The following OTOG variants were observed in gnomAD, a reference collection of about 807,000 sequenced individuals.
The protein encoded by OTOG is otogelin.
In OTOG, 296 loss-of-function variants were observed where a neutral mutation model predicts 313.8. The ratio of observed to expected loss-of-function variants is 0.94; its 90% CI spans 0.86 to 1.04. The LOEUF (loss-of-function observed/expected upper bound fraction) is 1.04, where lower values mean the gene tolerates loss of function less well. OTOG is among the 50% of genes least tolerant of loss of function. The pLI is 0.00. For missense variants in OTOG, 3,948 were observed against 3,840.1 expected, an observed-to-expected ratio of 1.03 and a Z score of -0.74; for synonymous variants, 1,533 against 1,554.9, an observed-to-expected ratio of 0.99 and a Z score of 0.33.
intron 18 of OTOG, 128 bp downstream of exon 18, chr11:17,572,332 G>C (rs1852423266): frequency 4.6e-6 from 6 of 1,303,540 alleles, no homozygotes; most frequent in Non-Finnish European, 6.2e-6. Context: ...AGAGAAGGAG[G>C]AGCAGCAGGG....
chr11:17,599,831 A>G lies in OTOG; in HGVS notation c.3709+134A>G, dbSNP rs866850322. On this transcript the variant is annotated intron_variant, in intron 31 of 55. Transcript: ENST00000399397. ...CGTGACCCGGAATGGGAGGGCCCCC[A>G]TCATGCAGAGAGAGCCCTGACAGTG... The G allele has an allele frequency of 5.1e-5, 54 of 1,057,508 alleles. No homozygotes were observed. In the Middle Eastern group the frequency reaches 5.1e-3, roughly 100 times the overall value. The allele number at this position is 1,057,508 out of a possible 1,614,324, so 65.5% of individuals were successfully genotyped here.
intron 24 of OTOG, among the ~76,000 whole-genome samples, chr11:17,588,301 C>T (rs1852852201): frequency 6.6e-6 from 1 of 152,278 alleles, no homozygotes; most frequent in Non-Finnish European, 1.5e-5. Context: ...GCTGCTCTCC[C>T]GTGGGGAGGC....
chr11:17,609,593 C>T (rs1853472946), intron 35 of OTOG, 62 bp from the exon 36 acceptor site: 4 of 1,387,516 alleles, frequency 2.9e-6, no homozygotes, highest in Non-Finnish European at 3.9e-6. Flanking sequence ...CAGCCCTGCC[C>T]AGCAATGACC....
chr11:17,570,185 ACT>A (rs1392645029), intron 16 of OTOG, 26 bp from the exon 17 acceptor site: 8 of 1,543,678 alleles, frequency 5.2e-6, no homozygotes, highest in Non-Finnish European at 6.1e-6. Context: ...CTGCCCTCCC[ACT>A]CTCTCCTTTT....
intron 39 of OTOG, among the ~76,000 whole-genome samples, chr11:17,619,043 G>T (rs1458126265): frequency 6.6e-6 from 1 of 152,158 alleles, no homozygotes; most frequent in African/African-American, 2.4e-5. Context: ...CAGGTGGACT[G>T]CTTGAGCCCA....
intron 53 of OTOG, 60 bp from the exon 54 acceptor site, chr11:17,643,401 G>A: frequency 8.3e-7 from 1 of 1,207,602 alleles, no homozygotes; most frequent in South Asian, 2.1e-5. Context: ...TGGGATCTTG[G>A]CTCCCGGCCT....
intron 30 of OTOG, among the ~76,000 whole-genome samples, chr11:17,598,910 C>T (rs1208393446): frequency 2.0e-5 from 3 of 152,194 alleles, no homozygotes; most frequent in Non-Finnish European, 1.5e-5. Flanking sequence ...ATGCATTGAC[C>T]TTGTGGTCTG....
chr11:17,587,124 A>T (rs1217314106), intron 24 of OTOG, among the ~76,000 whole-genome samples: 1 of 152,230 alleles, frequency 6.6e-6, no homozygotes, highest in African/African-American at 2.4e-5. Context: ...ATGTGAGTGT[A>T]AATGTCTGTG....
intron 25 of OTOG, 62 bp downstream of exon 25, chr11:17,591,650 C>T: frequency 6.5e-7 from 1 of 1,531,812 alleles, no homozygotes; most frequent in South Asian, 1.2e-5. Flanking sequence ...CACTCTGGTG[C>T]TCTGGACTCC....
At chr11:17,603,248 C>T (rs369400654) in intron 32 of OTOG, among the ~76,000 whole-genome samples, 50 of 152,136 alleles carry the variant, frequency 3.3e-4, no homozygotes, top group African/African-American at 1.2e-3. Flanking sequence ...GGCACTGGGC[C>T]GCAGGACAGC....
chr11:17,618,894 C>T (rs527711664), intron 39 of OTOG, among the ~76,000 whole-genome samples: 85 of 152,194 alleles, frequency 5.6e-4, no homozygotes, highest in African/African-American at 1.9e-3. Flanking sequence ...TTGGTTTTAG[C>T]GTGTATACCT....
At chr11:17,577,019 C>T (rs1852545472) in intron 22 of OTOG, 108 bp downstream of exon 22, 5 of 1,125,220 alleles carry the variant, frequency 4.4e-6, no homozygotes, top group Non-Finnish European at 6.3e-6. Context: ...AGGTTTTGCC[C>T]TACATTGGGC....
rs1854187672 is a variant in OTOG, at chr11:17,633,677, C to A, written c.7073-3C>A. On this transcript the variant is annotated splice_polypyrimidine_tract_variant and splice_region_variant and intron_variant, in intron 42 of 55. Coordinates refer to ENST00000399397, the MANE Select transcript of OTOG (RefSeq NM_001292063.2). ...AGGCCTGGTGCCCACTGTGCCCCTG[C>A]AGCCTTCCTGTGCTCCAGCGACTCC... is the stretch of plus-strand genomic sequence containing the variant. 2 of 1,522,954 alleles carry A rather than the reference C, an allele frequency of 1.3e-6. No homozygotes were observed. The highest frequency in any genetic ancestry group is 1.4e-5 in the African/African-American group (1 of 72,716). The allele number at this position is 1,522,954 out of a possible 1,614,324, so 94.3% of individuals were successfully genotyped here.
intron 3 of OTOG, among the ~76,000 whole-genome samples, chr11:17,550,859 G>A (rs1851916675): frequency 6.6e-6 from 1 of 152,258 alleles, no homozygotes; most frequent in Admixed American, 6.5e-5. Flanking sequence ...ACCAAAATCT[G>A]GCTAAGATGT....
chr11:17,607,988 C>T lies in OTOG; in HGVS notation c.4157-308C>T, dbSNP rs575771599. Among the ~76,000 whole-genome samples the T allele has an allele frequency of 2.6e-3, 393 of 152,218 alleles. 1 individual carries two copies. Among genetic ancestry groups the T allele is most frequent in the Non-Finnish European group, 4.4e-3 (298 of 68,000 alleles). On this transcript the variant is annotated intron_variant, in intron 33 of 55. Coordinates refer to ENST00000399397, the MANE Select transcript of OTOG (RefSeq NM_001292063.2). The stretch of plus-strand genomic sequence containing the variant: ...AGATCAGGGGTCCAGGCCTCTTCTT[C>T]GGTCACCCTTCGAAACCTCACTCCA...
chr11:17,639,550 T>TA (rs1393846764), intron 49 of OTOG, 87 bp downstream of exon 49: 43 of 1,397,990 alleles, frequency 3.1e-5, no homozygotes, highest in African/African-American at 2.3e-4. Flanking sequence ...TCTGCTCCTT[T>TA]AATCTAGTGC....
At position 17,609,687 on chromosome 11, in the gene OTOG, G is replaced by A. The variant is rs1853475657; in HGVS notation, c.4387G>A (p.Ala1463Thr). 6.6e-7 allele frequency: 1 copy of A among 1,512,528 alleles called. No homozygotes were observed. The highest frequency in any genetic ancestry group is 1.4e-5 in the African/African-American group (1 of 71,960). The allele number at this position is 1,512,528 out of a possible 1,614,324, so 93.7% of individuals were successfully genotyped here. The change falls in exon 36 of 56, where the codon GCC (alanine) becomes ACC (threonine). Residue 1463 changes from alanine (A) to threonine (T), a missense_variant. Coordinates refer to ENST00000399397, the MANE Select transcript of OTOG (RefSeq NM_001292063.2). Reference protein sequence around the residue: ...VEPAVWVPTEALGNETLPPSQ... With the variant: ...VEPAVWVPTETLGNETLPPSQ... ...GCCAGCAGTTTGGGTTCCCACAGAGGCCCTTGGCAATGAGACCCTCCCTCC... is the reference window on the plus strand; with the variant it reads ...GCCAGCAGTTTGGGTTCCCACAGAGACCCTTGGCAATGAGACCCTCCCTCC...
At chr11:17,587,981 T>C in intron 24 of OTOG, among the ~76,000 whole-genome samples, 1 of 152,136 alleles carries the variant, frequency 6.6e-6, no homozygotes, top group East Asian at 1.9e-4. Context: ...ATAGCTGAGT[T>C]ACATTGAATC....
chr11:17,590,953 C>G (rs1852916867), intron 24 of OTOG, among the ~76,000 whole-genome samples: 1 of 152,212 alleles, frequency 6.6e-6, no homozygotes, highest in Non-Finnish European at 1.5e-5. Context: ...TATCCTGCTC[C>G]CCCATAACAC....
Sources: allele counts gnomAD v4.1 joint callset (sites outside exome capture counted in the v4.1 genomes callset), GRCh38; gene constraint gnomAD v4.1.1; transcripts MANE v1.5; gene names NCBI Gene and HGNC (gene_info 2026-07-23, HGNC 2026-07-21).